ANKRD45: variants seen among roughly 807,000 people sequenced by gnomAD.
The protein encoded by ANKRD45 is ankyrin repeat domain-containing protein 45.
In ANKRD45, 21 loss-of-function variants were observed where a neutral mutation model predicts 28.1. That is an observed-to-expected ratio of 0.75 (90% CI 0.53 to 1.08). The LOEUF (loss-of-function observed/expected upper bound fraction) is 1.08. ANKRD45 is among the 50% of genes least tolerant of loss of function. ANKRD45 has a pLI of 0.00. For missense variants in ANKRD45, 261 were observed against 308.7 expected (o/e 0.85, Z 1.16); for synonymous variants, 86 against 103.9 (o/e 0.83, Z 1.05).
intron 5 of ANKRD45, among the ~76,000 whole-genome samples, chr1:173,611,024 C>A (rs572811550): frequency 1.3e-5 from 2 of 152,210 alleles, no homozygotes; most frequent in East Asian, 3.9e-4. Flanking sequence ...AAAGCCGAAA[C>A]TTCTAAGTTT....
chr1:173,686,019 G>T, the ANKRD45 span, among the ~76,000 whole-genome samples: 1 of 152,156 alleles, frequency 6.6e-6, no homozygotes, highest in Non-Finnish European at 1.5e-5. Flanking sequence ...ACCAACTACA[G>T]CATAAAAGCT....
chr1:173,665,520 T>G (rs1373771839), intron 1 of ANKRD45, among the ~76,000 whole-genome samples: 1 of 152,204 alleles, frequency 6.6e-6, no homozygotes, highest in Non-Finnish European at 1.5e-5. Context: ...AACTATGATT[T>G]GGTCCAGAAT....
At chr1:173,678,846 A>G in the ANKRD45 span, among the ~76,000 whole-genome samples, 3 of 152,234 alleles carry the variant, frequency 2.0e-5, no homozygotes, top group African/African-American at 7.2e-5. Context: ...CTGATAAGCA[A>G]CTTCAGCAAA....
intron 1 of ANKRD45, chr1:173,669,415 T>C (rs1303392442): frequency 4.3e-5 from 18 of 417,676 alleles, no homozygotes; most frequent in Admixed American, 9.0e-5. Flanking sequence ...AAAAAAAAAG[T>C]AGTCGCTTAA....
At chr1:173,640,310 C>T (rs1462758871) in intron 3 of ANKRD45, among the ~76,000 whole-genome samples, 1 of 152,006 alleles carries the variant, frequency 6.6e-6, no homozygotes, top group Admixed American at 6.6e-5. Flanking sequence ...CCAGCACCAA[C>T]CCAGGGACCA....
At chr1:173,683,725 C>G in the ANKRD45 span, among the ~76,000 whole-genome samples, 2 of 152,162 alleles carry the variant, frequency 1.3e-5, no homozygotes, top group African/African-American at 4.8e-5. Context: ...TGAGGATGCA[C>G]CTGTGACACA....
chr1:173,656,902 C>T (rs1669544069), intron 2 of ANKRD45, among the ~76,000 whole-genome samples: 1 of 151,018 alleles, frequency 6.6e-6, no homozygotes, highest in South Asian at 2.1e-4. Flanking sequence ...GCTTTCATCA[C>T]GAGCCAGATG....
rs527890002 is a variant in ANKRD45 at position 173,609,984 on chromosome 1, C to T, written c.*161G>A. On this transcript the variant is annotated 3_prime_UTR_variant, in exon 6 of 6. Coordinates refer to ENST00000333279, the MANE Select transcript of ANKRD45 (RefSeq NM_198493.3). ...GAGGAGCAGAGGCGAGGCCAGAGTC[C>T]GGACATAAGCATGCTGAACAGGTCA... 1.4e-5 allele frequency: 10 copies of T among 699,592 alleles called. No homozygotes were observed. Among genetic ancestry groups the T allele is most frequent in the Middle Eastern group, 4.0e-4 (1 of 2,488 alleles). The allele number at this position is 699,592 out of a possible 1,614,324, so 43.3% of individuals were successfully genotyped here.
At chr1:173,620,941 G>A (rs1233889270) in intron 5 of ANKRD45, among the ~76,000 whole-genome samples, 1 of 151,944 alleles carries the variant, frequency 6.6e-6, no homozygotes, top group African/African-American at 2.4e-5. Context: ...AAAAGCAGAA[G>A]AATCAAATAG....
At chr1:173,699,700 G>C in the ANKRD45 span, among the ~76,000 whole-genome samples, 5 of 151,922 alleles carry the variant, frequency 3.3e-5, no homozygotes, top group African/African-American at 7.3e-5. Flanking sequence ...TATGACAAAC[G>C]CACAGCCAAT....
chr1:173,698,321 C>G, the ANKRD45 span, among the ~76,000 whole-genome samples: 2 of 152,134 alleles, frequency 1.3e-5, no homozygotes, highest in Non-Finnish European at 2.9e-5. Flanking sequence ...CCAATCAGAC[C>G]TAATAGACAT....
At chr1:173,686,366 A>G in the ANKRD45 span, among the ~76,000 whole-genome samples, 3 of 152,186 alleles carry the variant, frequency 2.0e-5, no homozygotes, top group Non-Finnish European at 2.9e-5. Context: ...CCCTGGGACT[A>G]TGGCCCACGA....
chr1:173,632,328 A>C (rs1355485615), intron 3 of ANKRD45, among the ~76,000 whole-genome samples: 1 of 152,100 alleles, frequency 6.6e-6, no homozygotes, highest in Non-Finnish European at 1.5e-5. Context: ...ACAAGTAATG[A>C]GATCAAAGCT....
chr1:173,713,993 A>G, the ANKRD45 span, among the ~76,000 whole-genome samples: 2 of 152,224 alleles, frequency 1.3e-5, no homozygotes, highest in African/African-American at 4.8e-5. Flanking sequence ...CTGGGCCACT[A>G]TATCTGGATC....
chr1:173,702,816 G>C, the ANKRD45 span, among the ~76,000 whole-genome samples: 5 of 150,980 alleles, frequency 3.3e-5, no homozygotes, highest in Non-Finnish European at 7.4e-5. Context: ...TGAACTTCTG[G>C]GCTCATGTGA....
chr1:173,686,971 T>C, the ANKRD45 span, among the ~76,000 whole-genome samples: 3 of 152,318 alleles, frequency 2.0e-5, no homozygotes, highest in East Asian at 5.8e-4. Flanking sequence ...CAGAGCAGGT[T>C]AGTGCTTTAA....
At chr1:173,645,958 C>T (rs746531607) in intron 3 of ANKRD45, among the ~76,000 whole-genome samples, 3 of 152,158 alleles carry the variant, frequency 2.0e-5, no homozygotes, top group African/African-American at 4.8e-5. Context: ...GTGTCCATAA[C>T]TTATAATCTC....
chr1:173,713,075 T>C, the ANKRD45 span, among the ~76,000 whole-genome samples: 1 of 152,224 alleles, frequency 6.6e-6, no homozygotes, highest in Non-Finnish European at 1.5e-5. Context: ...TACATATGCT[T>C]TGATACCATT....
At chr1:173,649,285 A>G (rs931101002) in intron 2 of ANKRD45, among the ~76,000 whole-genome samples, 2 of 152,182 alleles carry the variant, frequency 1.3e-5, no homozygotes, top group African/African-American at 4.8e-5. Context: ...ACAACTTGAT[A>G]TAAGTGTTCT....
Sources: gnomAD v4.1 joint callset for allele counts (sites outside exome capture counted in the v4.1 genomes callset) on GRCh38, gnomAD v4.1.1 for gene constraint, MANE v1.5 for transcripts, NCBI Gene and HGNC (gene_info 2026-07-23, HGNC 2026-07-21) for gene names.